The following PPP1R16B variants were observed in gnomAD, a reference collection of about 807,000 sequenced individuals.
The protein encoded by PPP1R16B is protein phosphatase 1 regulatory subunit 16B, also known as protein phosphatase 1 regulatory inhibitor subunit 16B.
PPP1R16B carries 14 observed loss-of-function variants against 61.7 expected under a neutral mutation model. The ratio of observed to expected loss-of-function variants is 0.23; its 90% CI spans 0.15 to 0.35. PPP1R16B has a LOEUF of 0.35. Ranked by LOEUF, PPP1R16B falls within the 10% of genes least tolerant of loss-of-function variation. The probability of loss-of-function intolerance (pLI) is 1.00; values close to 1 mark genes in which losing one functional copy is unlikely to be tolerated. For synonymous variants in PPP1R16B, 266 were observed against 305.3 expected (o/e 0.87, Z 1.34); for missense variants, 547 against 752.5 (o/e 0.73, Z 3.19).
intron 1 of PPP1R16B, among the ~76,000 whole-genome samples, chr20:38,835,601 G>T (rs2084864101): frequency 6.6e-6 from 1 of 152,216 alleles, no homozygotes; most frequent in African/African-American, 2.4e-5. Context: ...TATTCTAATT[G>T]ATTTAAATTT....
chr20:38,913,498 T>C (rs2085508494), intron 10 of PPP1R16B, among the ~76,000 whole-genome samples: 2 of 152,156 alleles, frequency 1.3e-5, no homozygotes. Context: ...CTTGACCTTG[T>C]GATCCACCCG....
intron 1 of PPP1R16B, among the ~76,000 whole-genome samples, chr20:38,814,347 G>A (rs148145471): frequency 6.6e-6 from 1 of 152,100 alleles, no homozygotes; most frequent in South Asian, 2.1e-4. Flanking sequence ...TCCTTCAGAG[G>A]GGGGAAGGCT....
chr20:38,848,344 A>G (rs1278280616), intron 2 of PPP1R16B, among the ~76,000 whole-genome samples: 1 of 152,114 alleles, frequency 6.6e-6, no homozygotes, highest in Non-Finnish European at 1.5e-5. Flanking sequence ...AGCATCAGCA[A>G]TTGTCCCAAC....
rs1185726609 is a variant in PPP1R16B, at chr20:38,852,747, C to CTTTTTTTT, written c.250+16586_250+16593dup. On this transcript the variant is annotated intron_variant, in intron 2 of 10. Coordinates refer to ENST00000299824, the MANE Select transcript of PPP1R16B (RefSeq NM_015568.4). ...CTTGGCTTCTAGGGACCACTGTTTC[C>CTTTTTTTT]TTTTTTTTTTTTTTTTTTTTTGCGG... Among the ~76,000 whole-genome samples, 4 of 31,498 alleles carry CTTTTTTTT rather than the reference C, an allele frequency of 1.3e-4. 1 individual carries two copies. Among genetic ancestry groups the CTTTTTTTT allele is most frequent in the African/African-American group, 1.5e-4 (1 of 6,816 alleles). 20.7% of individuals were successfully genotyped at this position (31,498 alleles called of 152,430 possible).
At chr20:38,832,609 G>T (rs2084844374) in intron 1 of PPP1R16B, among the ~76,000 whole-genome samples, 4 of 152,150 alleles carry the variant, frequency 2.6e-5, no homozygotes, top group Admixed American at 1.3e-4. Context: ...GAGAACAGTT[G>T]GGCAGTTTTC....
At chr20:38,808,804 C>T (rs1310590065) in intron 1 of PPP1R16B, among the ~76,000 whole-genome samples, 3 of 151,938 alleles carry the variant, frequency 2.0e-5, no homozygotes, top group Non-Finnish European at 2.9e-5. Context: ...GAGGCCAAGG[C>T]GGGAGGATCA....
intron 10 of PPP1R16B, among the ~76,000 whole-genome samples, chr20:38,914,029 T>C (rs2085513036): frequency 6.6e-6 from 1 of 151,968 alleles, no homozygotes; most frequent in African/African-American, 2.4e-5. Context: ...CTGTCTCTAC[T>C]AAAAATAGCC....
chr20:38,848,563 T>C (rs2084949006), intron 2 of PPP1R16B, among the ~76,000 whole-genome samples: 1 of 152,232 alleles, frequency 6.6e-6, no homozygotes, highest in Non-Finnish European at 1.5e-5. Flanking sequence ...TTTCAAAATG[T>C]TCCTGGTTAT....
At chr20:38,906,876 C>T (rs2085447729) in intron 7 of PPP1R16B, 103 bp from the exon 8 acceptor site, 4 of 935,390 alleles carry the variant, frequency 4.3e-6, no homozygotes, top group Non-Finnish European at 6.8e-6. Context: ...TTTGTCCCAC[C>T]ATTCTTTGGG....
chr20:38,850,094 T>A (rs566312439), intron 2 of PPP1R16B, among the ~76,000 whole-genome samples: 29 of 152,336 alleles, frequency 1.9e-4, no homozygotes, highest in African/African-American at 7.0e-4. Context: ...AAGACGACTA[T>A]CAGCAGCTTG....
chr20:38,909,104 C>T (rs1442162247), intron 10 of PPP1R16B, among the ~76,000 whole-genome samples: 1 of 152,112 alleles, frequency 6.6e-6, no homozygotes, highest in Non-Finnish European at 1.5e-5. Context: ...TGGGCTTAAG[C>T]GATCCTCCCA....
In PPP1R16B at chr20:38,906,033, G is replaced by T. The variant is rs376987738; in HGVS notation, c.761G>T (p.Arg254Leu). 1.2e-6 allele frequency: 2 copies of T among 1,613,562 alleles called. No individual in the cohort carries two copies. The highest frequency in any genetic ancestry group is 2.7e-5 in the African/African-American group (2 of 74,908). ...GAGCTCCTCCTGGACCATGGAGTGCGTGTGGATGTGAAGGACTGGGATGGC... is the reference window on the plus strand; with the variant it reads ...GAGCTCCTCCTGGACCATGGAGTGCTTGTGGATGTGAAGGACTGGGATGGC... ...AAELLLDHGV[R>L]VDVKDWDGWE... Residue 254 changes from arginine to leucine, a missense_variant, in exon 7 of 11, where the codon CGT becomes CTT. Arg to Leu is a moderately radical substitution (Grantham distance 102, BLOSUM62 -2). Transcript: ENST00000299824.
At chr20:38,916,126 G>A (rs2085536592) in intron 10 of PPP1R16B, among the ~76,000 whole-genome samples, 1 of 151,070 alleles carries the variant, frequency 6.6e-6, no homozygotes, top group African/African-American at 2.4e-5. Context: ...AGTGCTTTGG[G>A]AGGCTGAGGT....
intron 3 of PPP1R16B, 118 bp from the exon 4 acceptor site, chr20:38,895,447 C>A: frequency 2.4e-6 from 3 of 1,227,378 alleles, no homozygotes; most frequent in Admixed American, 2.3e-5. Flanking sequence ...GAGCTGGATT[C>A]AAACAGGCCT....
At chr20:38,916,863 T>A (rs2085545634) in intron 10 of PPP1R16B, among the ~76,000 whole-genome samples, 3 of 151,508 alleles carry the variant, frequency 2.0e-5, no homozygotes. Context: ...AAAGTGATAT[T>A]TTGTTGTTTT....
At chr20:38,851,608 T>C (rs561360246) in intron 2 of PPP1R16B, among the ~76,000 whole-genome samples, 1 of 152,360 alleles carries the variant, frequency 6.6e-6, no homozygotes, top group South Asian at 2.1e-4. Flanking sequence ...CAGGCTGGCA[T>C]TGGTTGTTCA....
At chr20:38,896,828 G>A (rs569344128) in intron 4 of PPP1R16B, among the ~76,000 whole-genome samples, 4 of 152,248 alleles carry the variant, frequency 2.6e-5, no homozygotes, top group African/African-American at 7.2e-5. Flanking sequence ...CTATGAATTT[G>A]ACTACTGTAA....
chr20:38,900,587 C>G lies in PPP1R16B; in HGVS notation c.474C>G (p.Ala158=). ...NLVKILVQYG[A]DLLAVNSDGN... Reference sequence around the variant, plus strand: ...CCTGCCTCTTTCTCTGCAGTGGGGCCGACTTGCTTGCTGTCAACTCGGATG... The same window carrying G: ...CCTGCCTCTTTCTCTGCAGTGGGGCGGACTTGCTTGCTGTCAACTCGGATG... Residue 158 remains alanine, a synonymous_variant, in exon 5 of 11, where the codon GCC becomes GCG. Coordinates refer to ENST00000299824, the MANE Select transcript of PPP1R16B (RefSeq NM_015568.4). 6.2e-7 allele frequency: 1 copy of G among 1,601,820 alleles called. No homozygotes were observed. Among genetic ancestry groups the G allele is most frequent in the Non-Finnish European group, 8.5e-7 (1 of 1,174,708 alleles).
At position 38,907,119 on chromosome 20, in the gene PPP1R16B, G is replaced by C. The variant is rs1601310534; in HGVS notation, c.898+65G>C. 7.8e-7 allele frequency: 1 copy of C among 1,274,564 alleles called. No individual in the cohort carries two copies. Among genetic ancestry groups the C allele is most frequent in the East Asian group, 2.3e-5 (1 of 43,102 alleles). 79.0% of individuals were successfully genotyped at this position (1,274,564 alleles called of 1,614,324 possible). The stretch of plus-strand genomic sequence containing the variant: ...TTATCAATGTTTTGATGGGTAGAGG[G>C]AGAAATAGATAAATATATGGTTGTA... On this transcript the variant is annotated intron_variant, in intron 8 of 10. Coordinates refer to ENST00000299824, the MANE Select transcript of PPP1R16B (RefSeq NM_015568.4). The surrounding 1 kb of genome is among the most constrained non-coding windows in gnomAD (Gnocchi z 4.5).
Sources: gnomAD v4.1 joint callset for allele counts (sites outside exome capture counted in the v4.1 genomes callset) on GRCh38, gnomAD v4.1.1 for gene constraint, Gnocchi (gnomAD v3.1) non-coding constraint, MANE v1.5 for transcripts, NCBI Gene and HGNC (gene_info 2026-07-23, HGNC 2026-07-21) for gene names.